Variants in CHIC1 observed in about 807,000 individuals in gnomAD.
The protein encoded by CHIC1 is cysteine-rich hydrophobic domain-containing protein 1.
In CHIC1, 7 loss-of-function variants were observed where a neutral mutation model predicts 18.5. That is an observed-to-expected ratio of 0.38 (90% CI 0.22 to 0.71). The LOEUF is 0.71. Among genes scored for constraint, CHIC1 ranks in the 30% least tolerant of loss-of-function variants. The pLI is 0.49. For missense variants in CHIC1, 159 were observed against 176.9 expected, an observed-to-expected ratio of 0.90 and a Z score of 0.57; for synonymous variants, 77 against 73.5, an observed-to-expected ratio of 1.05 and a Z score of -0.25.
intron 3 of CHIC1, among the ~76,000 whole-genome samples, chrX:73,649,616 G>T (rs1329895859): frequency 8.9e-6 from 1 of 111,793 alleles, no homozygotes; most frequent in African/African-American, 3.3e-5. Flanking sequence ...ATGCTAAAAG[G>T]ATCAATGCAA....
At chrX:73,563,647 C>G (rs771675679) in intron 1 of CHIC1, 67 bp downstream of exon 1, 11 of 972,216 alleles carry the variant, frequency 1.1e-5, no homozygotes, top group Admixed American at 4.7e-5. Context: ...GAGAAGTGAT[C>G]GAGGGGCCTG....
chrX:73,656,760 G>A (rs1247415253), intron 3 of CHIC1, among the ~76,000 whole-genome samples: 2 of 111,831 alleles, frequency 1.8e-5, no homozygotes, highest in Non-Finnish European at 3.8e-5. Flanking sequence ...ATTGTTTTTT[G>A]CTTAGGATAG....
intron 3 of CHIC1, among the ~76,000 whole-genome samples, chrX:73,653,311 C>T (rs1212281245): frequency 9.0e-6 from 1 of 111,516 alleles, no homozygotes; most frequent in Non-Finnish European, 1.9e-5. Context: ...TGTAACAAAC[C>T]TGCACGTTCA....
At chrX:73,678,754 A>G in intron 3 of CHIC1, among the ~76,000 whole-genome samples, 1 of 112,058 alleles carries the variant, frequency 8.9e-6, no homozygotes, top group African/African-American at 3.2e-5. Context: ...ATATTTTTCT[A>G]AGTATAAGTT....
chrX:73,628,071 G>T (rs1272722231), intron 3 of CHIC1, among the ~76,000 whole-genome samples: 1 of 111,703 alleles, frequency 9.0e-6, no homozygotes, highest in African/African-American at 3.3e-5. Flanking sequence ...GGCCCAGGGT[G>T]TGTCTAGAAA....
chrX:73,612,102 A>G (rs1603343467), intron 3 of CHIC1, among the ~76,000 whole-genome samples: 1 of 110,406 alleles, frequency 9.1e-6, no homozygotes, highest in East Asian at 2.8e-4. Context: ...GCCCATGCCT[A>G]TGTCCTGAAT....
chrX:73,665,495 G>A (rs186512222), intron 3 of CHIC1, among the ~76,000 whole-genome samples: 5 of 111,151 alleles, frequency 4.5e-5, no homozygotes, highest in Non-Finnish European at 9.4e-5. Context: ...CAAAACCGAG[G>A]CTCCACTAGC....
intron 3 of CHIC1, among the ~76,000 whole-genome samples, chrX:73,642,571 G>A (rs1241642303): frequency 2.9e-5 from 3 of 105,111 alleles, no homozygotes; most frequent in Middle Eastern, 4.8e-3. Context: ...TGCTTTTGGT[G>A]TTTTAGACAT....
intron 3 of CHIC1, among the ~76,000 whole-genome samples, chrX:73,647,455 A>C (rs1324821124): frequency 8.9e-6 from 1 of 111,773 alleles, no homozygotes; most frequent in Non-Finnish European, 1.9e-5. Flanking sequence ...TGCCTAACAC[A>C]CTAAGCTCCA....
At chrX:73,619,761 G>A (rs1028554384) in intron 3 of CHIC1, among the ~76,000 whole-genome samples, 1 of 111,063 alleles carries the variant, frequency 9.0e-6, no homozygotes, top group African/African-American at 3.3e-5. Context: ...AGATCGTGCA[G>A]GTTTGTTACA....
chrX:73,616,967 T>G (rs753114395), intron 3 of CHIC1, among the ~76,000 whole-genome samples: 2 of 112,551 alleles, frequency 1.8e-5, no homozygotes, highest in African/African-American at 6.5e-5. Flanking sequence ...CTGCAGCCAG[T>G]TTGAATTTCT....
At chrX:73,644,613 G>A (rs901551093) in intron 3 of CHIC1, among the ~76,000 whole-genome samples, 7 of 112,216 alleles carry the variant, frequency 6.2e-5, no homozygotes, top group East Asian at 2.8e-4. Flanking sequence ...CCTCACTGCC[G>A]CCTTGCATTT....
rs1031007506 is a variant in CHIC1 at position 73,682,508 on chromosome X, G to A, written c.*1503G>A. 9.0e-6 allele frequency: 1 copy of A among 111,706 alleles called. No homozygotes were observed. The highest frequency in any genetic ancestry group is 1.9e-5 in the Non-Finnish European group (1 of 52,822). The allele number at this position is 111,706 out of a possible 1,213,427, so 9.2% of individuals were successfully genotyped here. On this transcript the variant is annotated 3_prime_UTR_variant, in exon 6 of 6. Transcript: ENST00000373502. ...AACCTTTTAGGCAAGATTCATCTCA[G>A]TGAAGTGAACAATCATTTCTTCATA...
chrX:73,567,285 G>A (rs2057449234), intron 1 of CHIC1, among the ~76,000 whole-genome samples: 1 of 110,003 alleles, frequency 9.1e-6, no homozygotes, highest in African/African-American at 3.3e-5. Context: ...ATAGCTTACT[G>A]TTATCTTAAA....
chrX:73,636,930 T>C (rs1161458489), intron 3 of CHIC1, among the ~76,000 whole-genome samples: 1 of 111,541 alleles, frequency 9.0e-6, no homozygotes, highest in Non-Finnish European at 1.9e-5. Flanking sequence ...AAAAATGCAG[T>C]ATATTACAAT....
At chrX:73,616,088 C>A (rs747744895) in intron 3 of CHIC1, among the ~76,000 whole-genome samples, 62 of 110,507 alleles carry the variant, frequency 5.6e-4, no homozygotes, top group Non-Finnish European at 1.1e-3. Context: ...CCCCTCCCCC[C>A]AGGCAGGAGG....
intron 3 of CHIC1, among the ~76,000 whole-genome samples, chrX:73,605,244 C>A (rs1370806985): frequency 1.8e-5 from 2 of 108,270 alleles, no homozygotes; most frequent in Admixed American, 1.9e-4. Context: ...AACCCTTTAC[C>A]ATTTGTAATG....
chrX:73,599,668 C>T lies in CHIC1; in HGVS notation c.507+15096C>T, dbSNP rs1247097002. On this transcript the variant is annotated intron_variant, in intron 3 of 5. Transcript: ENST00000373502. ...AGATATGCGGCGTTATTTCTGAGGG[C>T]TCTGTTCTGTTCCATTGATCTATAT... is the stretch of plus-strand genomic sequence containing the variant. Among the ~76,000 whole-genome samples the T allele has an allele frequency of 4.2e-3, 436 of 102,606 alleles. 35 individuals are homozygous for T. Among genetic ancestry groups the T allele is most frequent in the African/African-American group, 0.017 (423 of 25,371 alleles). The allele number at this position is 102,606 out of a possible 115,157, so 89.1% of individuals were successfully genotyped here. A position where few individuals can be genotyped will look rare whatever the true frequency, so the allele number is the denominator to read the frequency against.
intron 3 of CHIC1, among the ~76,000 whole-genome samples, chrX:73,650,441 A>C (rs1445618637): frequency 9.2e-6 from 1 of 108,729 alleles, no homozygotes; most frequent in Non-Finnish European, 1.9e-5. Flanking sequence ...AGCTAGACTA[A>C]TAAGGAAGAA....
Sources: allele counts gnomAD v4.1 joint callset (sites outside exome capture counted in the v4.1 genomes callset), GRCh38; gene constraint gnomAD v4.1.1; transcripts MANE v1.5; gene names NCBI Gene and HGNC (gene_info 2026-07-23, HGNC 2026-07-21).